Variants in STK32B observed in about 807,000 individuals in gnomAD.
STK32B encodes serine/threonine kinase 32B.
A neutral mutation model predicts 52.6 loss-of-function variants in STK32B; 43 were observed. The ratio of observed to expected loss-of-function variants is 0.82; its 90% confidence interval spans 0.64 to 1.05. The LOEUF is 1.05. STK32B is among the 50% of genes least tolerant of loss of function. The pLI, the probability that STK32B is intolerant of heterozygous loss-of-function variation, is 0.00. For missense variants in STK32B, 621 were observed against 534.6 expected, an observed-to-expected ratio of 1.16 and a Z score of -1.59; for synonymous variants, 238 against 204.3, an observed-to-expected ratio of 1.17 and a Z score of -1.41.
chr4:5,422,422 C>T (rs1437033250), intron 6 of STK32B, among the ~76,000 whole-genome samples: 1 of 152,118 alleles, frequency 6.6e-6, no homozygotes, highest in Admixed American at 6.6e-5. Context: ...GATGAGTAAG[C>T]TCCCAGAGGT....
rs867119013 is a variant in STK32B, at chr4:5,316,179, C to A, written c.261-15041C>A. On this transcript the variant is annotated intron_variant, in intron 3 of 11. Transcript: ENST00000282908. The stretch of plus-strand genomic sequence containing the variant: ...TATATATAACTAAATATATATATAA[C>A]TAAATATATATATTTAGATATATAA... Among the ~76,000 whole-genome samples, 515 of 68,128 alleles carry A rather than the reference C, an allele frequency of 7.6e-3. 3 individuals are homozygous for A. The highest frequency in any genetic ancestry group is 0.055 in the African/African-American group (418 of 7,626). 44.7% of individuals were successfully genotyped at this position (68,128 alleles called of 152,430 possible).
At chr4:5,141,496 A>AT (rs1385222944) in intron 2 of STK32B, among the ~76,000 whole-genome samples, 5 of 152,176 alleles carry the variant, frequency 3.3e-5, no homozygotes, top group African/African-American at 1.2e-4. Flanking sequence ...GGCTTTGGCC[A>AT]TTTCACAGAG....
chr4:5,434,492 G>A (rs994449451), intron 6 of STK32B, among the ~76,000 whole-genome samples: 1 of 150,778 alleles, frequency 6.6e-6, no homozygotes, highest in Admixed American at 6.6e-5. Flanking sequence ...TATTCAGCAT[G>A]TTTATAAAGA....
At chr4:5,324,702 C>G (rs1731757608) in intron 3 of STK32B, among the ~76,000 whole-genome samples, 1 of 152,188 alleles carries the variant, frequency 6.6e-6, no homozygotes, top group South Asian at 2.1e-4. Flanking sequence ...GGGAGCAAAA[C>G]TGCTCTGGGT....
At chr4:5,433,287 C>T (rs1713751983) in intron 6 of STK32B, among the ~76,000 whole-genome samples, 1 of 152,166 alleles carries the variant, frequency 6.6e-6, no homozygotes, top group South Asian at 2.1e-4. Flanking sequence ...TCCCAGGTTT[C>T]TGACTGTGCT....
chr4:5,424,886 C>T (rs931142106), intron 6 of STK32B, among the ~76,000 whole-genome samples: 1 of 152,222 alleles, frequency 6.6e-6, no homozygotes, highest in Non-Finnish European at 1.5e-5. Context: ...AGGAGCTCCC[C>T]AAGCCAGGGC....
At chr4:5,261,551 C>T (rs1008952994) in intron 3 of STK32B, among the ~76,000 whole-genome samples, 3 of 152,126 alleles carry the variant, frequency 2.0e-5, no homozygotes, top group African/African-American at 7.2e-5. Flanking sequence ...AGTAGTTCTG[C>T]AGAGTTTGCA....
In STK32B at chr4:5,205,703, CG is replaced by C. The variant is rs1722520466; in HGVS notation, c.260+37254del. Among the ~76,000 whole-genome samples the C allele has an allele frequency of 6.4e-5, 9 of 140,962 alleles. No individual in the cohort carries two copies. In the East Asian group the frequency reaches 8.6e-4, roughly 14 times the overall value. 92.5% of individuals were successfully genotyped at this position (140,962 alleles called of 152,430 possible). On this transcript the variant is annotated intron_variant, in intron 3 of 11. Transcript: ENST00000282908. Reference sequence around the variant, plus strand: ...GACAGTTCTAGACCAGGCGCGCGCGCGTGTGTGTGTGTGTGTGTGTGTGTGT... The same window carrying C: ...GACAGTTCTAGACCAGGCGCGCGCGCTGTGTGTGTGTGTGTGTGTGTGTGT...
intron 3 of STK32B, among the ~76,000 whole-genome samples, chr4:5,187,315 G>C (rs1720821310): frequency 6.6e-6 from 1 of 152,292 alleles, no homozygotes; most frequent in Middle Eastern, 3.4e-3. Flanking sequence ...GGTCCATGGG[G>C]AATTAGTAAA....
intron 1 of STK32B, among the ~76,000 whole-genome samples, chr4:5,055,437 T>C (rs1741964495): frequency 6.6e-6 from 1 of 152,056 alleles, no homozygotes; most frequent in South Asian, 2.1e-4. Flanking sequence ...CCTAAGTCCT[T>C]ACATGGTCTG....
intron 1 of STK32B, among the ~76,000 whole-genome samples, chr4:5,138,050 G>T (rs376747170): frequency 9.7e-4 from 147 of 152,298 alleles, no homozygotes; most frequent in African/African-American, 3.4e-3. Flanking sequence ...ATAACAAGCT[G>T]CAGTCCAAGC....
intron 5 of STK32B, among the ~76,000 whole-genome samples, chr4:5,416,458 C>G (rs1712167990): frequency 2.0e-5 from 3 of 152,250 alleles, no homozygotes; most frequent in Admixed American, 2.0e-4. Context: ...ACAGTGTCCT[C>G]TGGGTGGGAG....
chr4:5,086,623 C>A (rs935437211), intron 1 of STK32B, among the ~76,000 whole-genome samples: 1 of 151,606 alleles, frequency 6.6e-6, no homozygotes, highest in African/African-American at 2.4e-5. Context: ...CTCAGTGAAT[C>A]CCTAGTAAGA....
At chr4:5,052,445 T>C (rs1011501538) in intron 1 of STK32B, among the ~76,000 whole-genome samples, 1 of 152,004 alleles carries the variant, frequency 6.6e-6, no homozygotes, top group African/African-American at 2.4e-5. Flanking sequence ...CTGTGGTTCC[T>C]AGGAGGGCGT....
chr4:5,396,062 A>G lies in STK32B; in HGVS notation c.435-2145A>G, dbSNP rs190391997. Among the ~76,000 whole-genome samples the G allele has an allele frequency of 6.9e-4, 105 of 152,288 alleles. 2 individuals carry two copies. In the East Asian group the frequency reaches 0.016, roughly 23 times the overall value. On this transcript the variant is annotated intron_variant, in intron 4 of 11. Transcript: ENST00000282908. This position sits in a 1 kb window ranked among gnomAD's most constrained non-coding sequence, Gnocchi z 4.7. ...CCTCAACTCTATCAGCTCTCCTTCC[A>G]CCGTGCCAGTTGTGTTAGCTTCCGG... is the stretch of plus-strand genomic sequence containing the variant.
rs931931947 is a variant in STK32B, at chr4:5,245,503, T to G, written c.260+77053T>G. ...GATGGGTTTCCTGAATACAGGACAC[T>G]GATGGGTCTTGAGTCTTTATCCAAT... On this transcript the variant is annotated intron_variant, in intron 3 of 11. Transcript: ENST00000282908. Among the ~76,000 whole-genome samples the G allele has an allele frequency of 7.2e-5, 11 of 152,328 alleles. 1 individual carries two copies. Among genetic ancestry groups the G allele is most frequent in the Admixed American group, 6.5e-5 (1 of 15,300 alleles).
At chr4:5,258,714 C>CT (rs1365634982) in intron 3 of STK32B, among the ~76,000 whole-genome samples, 1 of 152,208 alleles carries the variant, frequency 6.6e-6, no homozygotes, top group Admixed American at 6.5e-5. Context: ...CATCACCTCT[C>CT]TCCTGGGTGA....
intron 4 of STK32B, among the ~76,000 whole-genome samples, chr4:5,391,268 C>T (rs1736581187): frequency 6.6e-6 from 1 of 152,088 alleles, no homozygotes; most frequent in Non-Finnish European, 1.5e-5. Flanking sequence ...CCTGTTTTCT[C>T]TCTTCATATA....
chr4:5,310,652 A>T (rs944836877), intron 3 of STK32B, among the ~76,000 whole-genome samples: 1 of 152,188 alleles, frequency 6.6e-6, no homozygotes, highest in Admixed American at 6.5e-5. Context: ...ATAGAAAAAA[A>T]ATGAACTATC....
Sources: allele counts gnomAD v4.1 joint callset (sites outside exome capture counted in the v4.1 genomes callset), GRCh38; gene constraint gnomAD v4.1.1; non-coding constraint Gnocchi (gnomAD v3.1); transcripts MANE v1.5; gene names NCBI Gene and HGNC (gene_info 2026-07-23, HGNC 2026-07-21).